The following TK2 variants were observed in gnomAD, a reference collection of about 807,000 sequenced individuals.
TK2 encodes thymidine kinase 2.
A neutral mutation model predicts 41.9 loss-of-function variants in TK2; 35 were observed. That is an observed-to-expected ratio of 0.84 (90% CI 0.64 to 1.11). The LOEUF (loss-of-function observed/expected upper bound fraction) is 1.11, where lower values mean the gene tolerates loss of function less well. Ranked by LOEUF, TK2 falls within the 50% of genes least tolerant of loss-of-function variation. TK2 has a pLI of 0.00. For synonymous variants in TK2, 128 were observed against 129.1 expected, an observed-to-expected ratio of 0.99 and a Z score of 0.06; for missense variants, 320 against 351.1, an observed-to-expected ratio of 0.91 and a Z score of 0.71.
At chr16:66,515,706 C>G (rs1964592662) in intron 8 of TK2, among the ~76,000 whole-genome samples, 1 of 152,248 alleles carries the variant, frequency 6.6e-6, no homozygotes, top group Non-Finnish European at 1.5e-5. Flanking sequence ...GGTCACTGCA[C>G]AGAGCTGCTG....
intron 1 of TK2, chr16:66,549,510 T>C: frequency 9.6e-7 from 1 of 1,037,334 alleles, no homozygotes; most frequent in Non-Finnish European, 1.2e-6. Flanking sequence ...CGTTTCTGTG[T>C]GGGTCCCCAC....
At chr16:66,520,370 A>G (rs1964744336) in intron 6 of TK2, among the ~76,000 whole-genome samples, 1 of 151,942 alleles carries the variant, frequency 6.6e-6, no homozygotes, top group Non-Finnish European at 1.5e-5. Flanking sequence ...GGGAAACCTC[A>G]CCCCACCCCA....
At chr16:66,539,098 C>A in intron 3 of TK2, among the ~76,000 whole-genome samples, 1 of 152,210 alleles carries the variant, frequency 6.6e-6, no homozygotes. Flanking sequence ...TGGATGTTAA[C>A]TATCGTTGTT....
At chr16:66,530,191 G>C (rs905719596) in intron 5 of TK2, among the ~76,000 whole-genome samples, 3 of 152,204 alleles carry the variant, frequency 2.0e-5, no homozygotes, top group Non-Finnish European at 4.4e-5. Flanking sequence ...AATTTTAAAA[G>C]ACAGACTTAC....
intron 6 of TK2, chr16:66,518,155 A>G: frequency 2.2e-6 from 1 of 464,750 alleles, no homozygotes; most frequent in Non-Finnish European, 4.0e-6. Flanking sequence ...AGAGAAAGGG[A>G]CTTTAAAGCT....
intron 2 of TK2, chr16:66,548,126 C>A (rs1965665185): frequency 6.9e-6 from 3 of 433,034 alleles, no homozygotes; most frequent in Non-Finnish European, 1.4e-5. Flanking sequence ...TTGCATTTCC[C>A]TCCCCTTCTA....
chr16:66,543,190 T>G (rs1308234607), intron 2 of TK2, among the ~76,000 whole-genome samples: 1 of 152,204 alleles, frequency 6.6e-6, no homozygotes, highest in Non-Finnish European at 1.5e-5. Context: ...CAGTAACTTT[T>G]AAAGCTCTCC....
At chr16:66,534,810 C>T (rs1030990760) in intron 4 of TK2, among the ~76,000 whole-genome samples, 1 of 152,230 alleles carries the variant, frequency 6.6e-6, no homozygotes, top group Admixed American at 6.5e-5. Flanking sequence ...GCTAAGAAAC[C>T]TGTTCTGCTC....
In TK2 at chr16:66,542,724, T is replaced by A. The variant is rs939842039; in HGVS notation, c.157-771A>T. On this transcript the variant is annotated intron_variant, in intron 2 of 9. Coordinates refer to ENST00000544898, the MANE Select transcript of TK2 (RefSeq NM_004614.5). ...GACCAAGGAGCATCCTAGAAGTAACTCATCTTAGGGAGAGAAGGTATTCCA... is the reference window on the plus strand; with the variant it reads ...GACCAAGGAGCATCCTAGAAGTAACACATCTTAGGGAGAGAAGGTATTCCA... 2.0e-5 allele frequency among the ~76,000 whole-genome samples: 3 copies of A among 152,202 alleles called. No homozygotes were observed. In the East Asian group the frequency reaches 5.8e-4, roughly 29 times the overall value.
intron 8 of TK2, among the ~76,000 whole-genome samples, chr16:66,516,126 TATAAACAAATAGTGTC>T: frequency 1.5e-5 from 2 of 134,026 alleles, no homozygotes; most frequent in East Asian, 4.8e-4. Context: ...GGAACAAAGG[TATAAACAAATAGTGTC>T]AGTATGCTGT....
At chr16:66,548,817 G>A (rs184002343) in intron 2 of TK2, 161 bp downstream of exon 2, 60 of 687,004 alleles carry the variant, frequency 8.7e-5, no homozygotes, top group African/African-American at 3.9e-4. Context: ...GGTAACAGAG[G>A]TGGCCTTCTA....
At chr16:66,513,949 T>C in intron 8 of TK2, 138 bp from the exon 9 acceptor site, 1 of 758,568 alleles carries the variant, frequency 1.3e-6, no homozygotes, top group East Asian at 2.7e-5. Flanking sequence ...AGAGCAAACC[T>C]GGCTCAAGTG....
intron 3 of TK2, among the ~76,000 whole-genome samples, chr16:66,537,356 C>A (rs1965317841): frequency 6.6e-6 from 1 of 152,200 alleles, no homozygotes; most frequent in Admixed American, 6.5e-5. Flanking sequence ...GTATTCTATC[C>A]CACCCCTGCC....
intron 6 of TK2, among the ~76,000 whole-genome samples, chr16:66,518,771 A>G (rs751714723): frequency 4.6e-5 from 7 of 152,218 alleles, no homozygotes; most frequent in Non-Finnish European, 1.0e-4. Context: ...GTATTCACCA[A>G]TGCATCTTGG....
At chr16:66,549,544 C>CG in intron 1 of TK2, 2 of 1,050,988 alleles carry the variant, frequency 1.9e-6, no homozygotes, top group Non-Finnish European at 2.3e-6. Context: ...AGGAGAGCGC[C>CG]GGGGGCGTAA....
At position 66,517,745 on chromosome 16, in the gene TK2, C is replaced by G. The variant is rs762368263; in HGVS notation, c.538+44G>C. 6 of 1,591,418 alleles carry G rather than the reference C, an allele frequency of 3.8e-6. No individual in the cohort carries two copies. The highest frequency in any genetic ancestry group is 5.2e-6 in the Non-Finnish European group (6 of 1,159,472). On this transcript the variant is annotated intron_variant, in intron 7 of 9. Coordinates refer to ENST00000544898, the MANE Select transcript of TK2 (RefSeq NM_004614.5). This position sits in a 1 kb window ranked among gnomAD's most constrained non-coding sequence, Gnocchi z 4.3. ...CCAGCCAAGCACATCCTCAAGGGAC[C>G]CAGGAGAGAGACAAGAGAGGGAGGT...
intron 3 of TK2, among the ~76,000 whole-genome samples, chr16:66,540,812 T>C (rs1013060233): frequency 2.6e-5 from 4 of 152,258 alleles, no homozygotes; most frequent in African/African-American, 4.8e-5. Context: ...CTTACCCATG[T>C]AGACTCTTTT....
Position 66,548,971 on chromosome 16 carries a change from G to C in TK2, c.156+7C>G. 1 of 1,611,702 alleles carries C rather than the reference G, an allele frequency of 6.2e-7. No homozygotes were observed. The highest frequency in any genetic ancestry group is 8.5e-7 in the Non-Finnish European group (1 of 1,177,990). ...TCCTAGAGAGTACACATAAAAGAGGGACTTACCACTGATTTTTTCTCTTTT... is the reference window on the plus strand; with the variant it reads ...TCCTAGAGAGTACACATAAAAGAGGCACTTACCACTGATTTTTTCTCTTTT... On this transcript the variant is annotated splice_region_variant and intron_variant, in intron 2 of 9. Transcript: ENST00000544898.
intron 4 of TK2, among the ~76,000 whole-genome samples, chr16:66,534,261 C>G (rs1206133665): frequency 6.6e-6 from 1 of 151,960 alleles, no homozygotes; most frequent in Admixed American, 6.6e-5. Context: ...TCTCAGCTGC[C>G]CTAACTGCAA....
Sources: allele counts gnomAD v4.1 joint callset (sites outside exome capture counted in the v4.1 genomes callset), GRCh38; gene constraint gnomAD v4.1.1; non-coding constraint Gnocchi (gnomAD v3.1); transcripts MANE v1.5; gene names NCBI Gene and HGNC (gene_info 2026-07-23, HGNC 2026-07-21).